Variants in EIPR1 observed in about 807,000 individuals in gnomAD.
EIPR1 encodes the protein EARP complex and GARP complex interacting protein 1.
Under a neutral mutation model 48.1 loss-of-function variants are expected in EIPR1, and 25 were observed. The observed-to-expected ratio is 0.52, with a 90% confidence interval of 0.38 to 0.73. The LOEUF is 0.73. Ranked by LOEUF, EIPR1 falls within the 30% of genes least tolerant of loss-of-function variation. EIPR1 has a pLI of 0.00. For missense variants in EIPR1, 415 were observed against 506.2 expected (o/e 0.82, Z 1.73); for synonymous variants, 204 against 201.9 (o/e 1.01, Z -0.09).
intron 3 of EIPR1, among the ~76,000 whole-genome samples, chr2:3,291,364 C>G (rs139240926): frequency 1.3e-5 from 2 of 152,126 alleles, no homozygotes; most frequent in African/African-American, 4.8e-5. Context: ...ACCCACGTAG[C>G]GGGCTGCATG....
chr2:3,281,690 T>C (rs1668015930), intron 3 of EIPR1, among the ~76,000 whole-genome samples: 1 of 152,254 alleles, frequency 6.6e-6, no homozygotes, highest in Admixed American at 6.5e-5. Flanking sequence ...ACATTCATTA[T>C]GTTACAATGT....
Position 3,189,507 on chromosome 2 carries a change from T to C in EIPR1, c.991A>G (p.Ser331Gly). 6 of 1,550,906 alleles carry C rather than the reference T, an allele frequency of 3.9e-6. No individual in the cohort carries two copies. The highest frequency in any genetic ancestry group is 5.3e-6 in the Non-Finnish European group (6 of 1,138,914). ...ACGTTGTCCTGCAGGGGCTCCTTGC[T>C]CCTGCAATGCAACAGAGGCAGACGT... ...DQEDHRSEEK[S>G]KEPLQDNVIA... The change falls in exon 9 of 9, where the codon AGC becomes GGC. Residue 331 changes from serine (S) to glycine (G), a missense_variant and splice_region_variant. Coordinates refer to ENST00000382125, the MANE Select transcript of EIPR1 (RefSeq NM_003310.5). This position sits in a 1 kb window ranked among gnomAD's most constrained non-coding sequence, Gnocchi z 4.6.
chr2:3,324,676 C>G (rs769863817), intron 3 of EIPR1, among the ~76,000 whole-genome samples: 10 of 152,268 alleles, frequency 6.6e-5, no homozygotes, highest in Non-Finnish European at 1.5e-4. Context: ...ATCAGTCTCT[C>G]AGGACGTCCT....
chr2:3,321,054 G>C (rs1669511793), intron 3 of EIPR1, among the ~76,000 whole-genome samples: 1 of 152,198 alleles, frequency 6.6e-6, no homozygotes, highest in African/African-American at 2.4e-5. Flanking sequence ...TAACATATCT[G>C]AACAGGGCAG....
At chr2:3,337,410 G>A (rs963257183) in intron 3 of EIPR1, among the ~76,000 whole-genome samples, 1 of 152,152 alleles carries the variant, frequency 6.6e-6, no homozygotes, top group African/African-American at 2.4e-5. Context: ...GGTAGAGAAA[G>A]AGATCCTAGG....
intron 2 of EIPR1, among the ~76,000 whole-genome samples, chr2:3,349,520 G>GGA (rs1670504151): frequency 6.6e-6 from 1 of 152,234 alleles, no homozygotes; most frequent in Non-Finnish European, 1.5e-5. Flanking sequence ...CACAAGACGG[G>GGA]GATAAGGAGG....
intron 1 of EIPR1, among the ~76,000 whole-genome samples, chr2:3,360,494 C>A (rs1004088784): frequency 6.6e-6 from 1 of 151,990 alleles, no homozygotes; most frequent in Non-Finnish European, 1.5e-5. Context: ...TGTAGGGAAC[C>A]AAACCAGGCA....
In EIPR1 at chr2:3,338,140, T is replaced by A. The variant is rs148621025; in HGVS notation, c.136A>T (p.Ile46Leu). The A allele has an allele frequency of 6.2e-7, 1 of 1,610,088 alleles. No homozygotes were observed. The highest frequency in any genetic ancestry group is 1.1e-5 in the South Asian group (1 of 89,724). The change falls in exon 3 of 9, where the codon ATA becomes TTA. Residue 46 changes from isoleucine (I) to leucine (L), a missense_variant. By Grantham distance (5) the Ile-to-Leu change is conservative. Coordinates refer to ENST00000382125, the MANE Select transcript of EIPR1 (RefSeq NM_003310.5). ...SLKYDNQIHI[I>L]DFDDENNIIN... ...ATGTTGTTTTCATCGTCAAAATCTA[T>A]GATATGGATCTACAAATACAAGAAA...
intron 3 of EIPR1, among the ~76,000 whole-genome samples, chr2:3,283,470 G>A (rs1033082986): frequency 5.3e-5 from 8 of 152,180 alleles, no homozygotes; most frequent in South Asian, 2.1e-4. Flanking sequence ...TGCTGCCTCC[G>A]CATTGCCTGC....
At chr2:3,322,517 G>C (rs1669566227) in intron 3 of EIPR1, among the ~76,000 whole-genome samples, 1 of 152,246 alleles carries the variant, frequency 6.6e-6, no homozygotes, top group African/African-American at 2.4e-5. Context: ...AGGTGTCAGA[G>C]ATTACAGGAC....
intron 2 of EIPR1, among the ~76,000 whole-genome samples, chr2:3,350,797 G>T (rs1275268953): frequency 1.3e-5 from 2 of 151,894 alleles, no homozygotes; most frequent in Non-Finnish European, 2.9e-5. Context: ...AAATACATGA[G>T]GTATGTAATA....
At chr2:3,194,670 C>CTA (rs1414230516) in intron 6 of EIPR1, among the ~76,000 whole-genome samples, 1 of 143,428 alleles carries the variant, frequency 7.0e-6, no homozygotes, top group Non-Finnish European at 1.5e-5. Context: ...ATATATAGAA[C>CTA]TATATATATA....
In EIPR1 at chr2:3,287,279, C is replaced by T. The variant is rs113145558; in HGVS notation, c.260-29824G>A. ...CACTCCAGAAAGCTCATTCACCACA[C>T]TCCAGAAAGCTCGTTCACCACACTC... On this transcript the variant is annotated intron_variant, in intron 3 of 8. Coordinates refer to ENST00000382125, the MANE Select transcript of EIPR1 (RefSeq NM_003310.5). Among the ~76,000 whole-genome samples, 74 of 67,138 alleles carry T rather than the reference C, an allele frequency of 1.1e-3. 1 individual carries two copies. Among genetic ancestry groups the T allele is most frequent in the South Asian group, 8.8e-3 (21 of 2,390 alleles). The allele number at this position is 67,138 out of a possible 152,430, so 44.0% of individuals were successfully genotyped here.
At chr2:3,271,562 G>A (rs1177758842) in intron 3 of EIPR1, among the ~76,000 whole-genome samples, 1 of 152,214 alleles carries the variant, frequency 6.6e-6, no homozygotes, top group Non-Finnish European at 1.5e-5. Context: ...GTGACTAGGT[G>A]CATTGCCAAT....
chr2:3,349,736 G>C (rs1014865614), intron 2 of EIPR1, among the ~76,000 whole-genome samples: 2 of 152,030 alleles, frequency 1.3e-5, no homozygotes, highest in African/African-American at 2.4e-5. Flanking sequence ...GGACAGGGAG[G>C]ATGCTGCAAG....
At chr2:3,255,452 G>T (rs950220955) in intron 4 of EIPR1, among the ~76,000 whole-genome samples, 1 of 152,128 alleles carries the variant, frequency 6.6e-6, no homozygotes, top group Non-Finnish European at 1.5e-5. Context: ...CAAAGTGCTG[G>T]GATTACAGGT....
intron 4 of EIPR1, among the ~76,000 whole-genome samples, chr2:3,247,012 C>CTGCCACT (rs2103199867): frequency 1.6e-4 from 1 of 6,216 alleles, no homozygotes; most frequent in Admixed American, 2.8e-3. Context: ...GAGGAGAGAG[C>CTGCCACT]GAGGGAGGGA....
intron 3 of EIPR1, among the ~76,000 whole-genome samples, chr2:3,331,154 T>A (rs149975439): frequency 0.02 from 2,294 of 113,446 alleles, 273 homozygotes; most frequent in Non-Finnish European, 0.032. Flanking sequence ...TGCACACTCA[T>A]GAGATGGTGT....
At chr2:3,264,299 G>A (rs1667422535) in intron 3 of EIPR1, among the ~76,000 whole-genome samples, 2 of 152,182 alleles carry the variant, frequency 1.3e-5, no homozygotes, top group South Asian at 2.1e-4. Flanking sequence ...CTGCTGCTGC[G>A]GATGGCAGGA....
Sources: allele counts gnomAD v4.1 joint callset (sites outside exome capture counted in the v4.1 genomes callset), GRCh38; gene constraint gnomAD v4.1.1; non-coding constraint Gnocchi (gnomAD v3.1); transcripts MANE v1.5; gene names NCBI Gene and HGNC (gene_info 2026-07-23, HGNC 2026-07-21).